CRACDL: variants seen among roughly 807,000 people sequenced by gnomAD.
CRACDL encodes CRACD-like protein.
Under a neutral mutation model 70.6 loss-of-function variants are expected in CRACDL, and 26 were observed. The ratio of observed to expected loss-of-function variants is 0.37; its 90% CI spans 0.27 to 0.51. The LOEUF is 0.51. CRACDL is among the 20% of genes least tolerant of loss of function. The pLI, the probability that CRACDL is intolerant of heterozygous loss-of-function variation, is 0.94. For synonymous variants in CRACDL, 618 were observed against 615.2 expected (o/e 1.00, Z -0.07); for missense variants, 1,283 against 1,376.9 (o/e 0.93, Z 1.08).
intron 5 of CRACDL, 75 bp downstream of exon 5, chr2:98,832,273 C>G (rs1482767145): frequency 6.6e-7 from 1 of 1,522,882 alleles, no homozygotes; most frequent in African/African-American, 1.4e-5. Flanking sequence ...GGGGCACACA[C>G]AGGGGATCTC....
intron 7 of CRACDL, among the ~76,000 whole-genome samples, chr2:98,805,952 C>T (rs539506665): frequency 6.6e-6 from 1 of 152,276 alleles, no homozygotes; most frequent in Non-Finnish European, 1.5e-5. Context: ...GCTGCTTTAA[C>T]AGCCCTGGTA....
At position 98,822,541 on chromosome 2, in the gene CRACDL, A is replaced by T; in HGVS notation, c.1732T>A (p.Ser578Thr). The T allele has an allele frequency of 1.4e-6, 2 of 1,466,862 alleles. No individual in the cohort carries two copies. Among genetic ancestry groups the T allele is most frequent in the Non-Finnish European group, 1.8e-6 (2 of 1,117,160 alleles). 90.9% of individuals were successfully genotyped at this position (1,466,862 alleles called of 1,614,324 possible). A position where few individuals can be genotyped will look rare whatever the true frequency, so the allele number is the denominator to read the frequency against. ...CCCGGACGAGGCCGCGCTCGGCACG[A>T]GGACACCGAGAACTTCTTCGCGCCT... Reference protein sequence around the residue: ...LRGAKKFSVSSCRARPRPGVS... With the variant: ...LRGAKKFSVSTCRARPRPGVS... The change falls in exon 7 of 10, where the codon TCG becomes ACG. Residue 578 changes from serine to threonine, a missense_variant. Transcript: ENST00000397899. This position sits in a 1 kb window ranked among gnomAD's most constrained non-coding sequence, Gnocchi z 4.9.
chr2:98,911,755 A>G (rs1281171560), intron 1 of CRACDL, among the ~76,000 whole-genome samples: 1 of 151,820 alleles, frequency 6.6e-6, no homozygotes, highest in Non-Finnish European at 1.5e-5. Flanking sequence ...AAGCTGGGCC[A>G]CCCCGAGAAC....
At chr2:98,879,028 T>C (rs1301375043) in intron 1 of CRACDL, among the ~76,000 whole-genome samples, 1 of 152,180 alleles carries the variant, frequency 6.6e-6, no homozygotes, top group East Asian at 1.9e-4. Context: ...ACCACCACCC[T>C]GGCCCTGAGA....
chr2:98,809,248 C>A (rs776557986), intron 7 of CRACDL, among the ~76,000 whole-genome samples: 2 of 151,946 alleles, frequency 1.3e-5, no homozygotes, highest in African/African-American at 2.4e-5. Context: ...CTCTTTGGAG[C>A]CTTACAAGGT....
chr2:98,853,743 T>G (rs2104554440), intron 1 of CRACDL, among the ~76,000 whole-genome samples: 1 of 151,996 alleles, frequency 6.6e-6, no homozygotes. Flanking sequence ...AAGGTAGGAG[T>G]TGTATGTATG....
rs770899135 is a variant in CRACDL at position 98,838,198 on chromosome 2, A to T, written c.160T>A (p.Trp54Arg). ...ESPSSTGSST[W>R]KQSQTRNEVI... ...TCATTCCTCGTCTGACTTTGTTTCC[A>T]GGTGCTACTTCCTGTGGACGACGGC... is the stretch of plus-strand genomic sequence containing the variant. Residue 54 changes from tryptophan to arginine, a missense_variant, in exon 3 of 10, where the codon TGG becomes AGG. By Grantham distance (101) the Trp-to-Arg change is moderately radical (BLOSUM62 -3). Coordinates refer to ENST00000397899, the MANE Select transcript of CRACDL (RefSeq NM_207362.3). The T allele has an allele frequency of 6.2e-7, 1 of 1,613,994 alleles. No individual in the cohort carries two copies. The highest frequency in any genetic ancestry group is 1.7e-5 in the Admixed American group (1 of 60,018).
intron 1 of CRACDL, among the ~76,000 whole-genome samples, chr2:98,851,191 G>A (rs1426222778): frequency 2.0e-5 from 3 of 152,138 alleles, no homozygotes; most frequent in African/African-American, 7.2e-5. Context: ...TGTTTGGGAG[G>A]TGTCTGCTGA....
intron 1 of CRACDL, among the ~76,000 whole-genome samples, chr2:98,858,470 G>T (rs1190106088): frequency 7.2e-6 from 1 of 139,234 alleles, no homozygotes; most frequent in African/African-American, 2.7e-5. Flanking sequence ...AGCCCAGATC[G>T]CACCACTGCA....
At chr2:98,906,587 A>G (rs1004822093) in intron 1 of CRACDL, among the ~76,000 whole-genome samples, 2 of 152,084 alleles carry the variant, frequency 1.3e-5, no homozygotes, top group Non-Finnish European at 2.9e-5. Flanking sequence ...TCCTCATTTG[A>G]GATAATATAT....
At chr2:98,851,741 AT>A (rs1706491092) in intron 1 of CRACDL, among the ~76,000 whole-genome samples, 1 of 152,198 alleles carries the variant, frequency 6.6e-6, no homozygotes, top group Non-Finnish European at 1.5e-5. Flanking sequence ...CTCCAGAAAA[AT>A]ATCCTTCAAA....
intron 1 of CRACDL, among the ~76,000 whole-genome samples, chr2:98,900,091 C>T (rs13033128): frequency 0.011 from 295 of 26,300 alleles, 3 homozygotes; most frequent in African/African-American, 0.067. Flanking sequence ...AGAGGCTCAG[C>T]AGGAGGGGAG....
At chr2:98,828,132 C>T (rs961604022) in intron 5 of CRACDL, among the ~76,000 whole-genome samples, 6 of 152,148 alleles carry the variant, frequency 3.9e-5, no homozygotes, top group Non-Finnish European at 8.8e-5. Context: ...AGGCAATACC[C>T]GCAGATCCCT....
chr2:98,837,366 T>C (rs1346666138), intron 3 of CRACDL, among the ~76,000 whole-genome samples: 1 of 152,194 alleles, frequency 6.6e-6, no homozygotes. Context: ...TGCTCAAGCC[T>C]GGGACCCATC....
chr2:98,805,967 G>A (rs972080821), intron 7 of CRACDL, among the ~76,000 whole-genome samples: 7 of 152,272 alleles, frequency 4.6e-5, no homozygotes, highest in African/African-American at 1.4e-4. Flanking sequence ...CTGGTAGCAC[G>A]CTTCTATCAT....
Position 98,893,996 on chromosome 2 carries a change from C to T in CRACDL, c.-11+41942G>A, listed in dbSNP as rs754620276. ...TGTGTTCAAGCTCCCCAGGAGATTC[C>T]GAGGGGCAGCCAGGGTCAAGAAGCA... is the stretch of plus-strand genomic sequence containing the variant. On this transcript the variant is annotated intron_variant, in intron 1 of 9. Coordinates refer to ENST00000397899, the MANE Select transcript of CRACDL (RefSeq NM_207362.3). 8.4e-4 allele frequency among the ~76,000 whole-genome samples: 128 copies of T among 152,296 alleles called. 1 individual carries two copies. In the Middle Eastern group the frequency reaches 0.014, roughly 16 times the overall value.
At chr2:98,795,040 A>AATATATAAAAATTT (rs1329934418) in intron 9 of CRACDL, among the ~76,000 whole-genome samples, 374 of 27,504 alleles carry the variant, frequency 0.014, 77 homozygotes, top group South Asian at 0.031. Context: ...CATAATTAAA[A>AATATATAAAAATTT]ATATATATAT....
At chr2:98,839,065 C>T (rs575783052) in intron 2 of CRACDL, among the ~76,000 whole-genome samples, 1 of 152,198 alleles carries the variant, frequency 6.6e-6, no homozygotes, top group South Asian at 2.1e-4. Context: ...GATGCAGCAT[C>T]GTAGACTACC....
At chr2:98,927,308 G>T (rs1318723954) in intron 1 of CRACDL, among the ~76,000 whole-genome samples, 1 of 152,210 alleles carries the variant, frequency 6.6e-6, no homozygotes, top group Non-Finnish European at 1.5e-5. Flanking sequence ...AGTTACCGGC[G>T]GGCCAGCTCT....
Sources: allele counts gnomAD v4.1 joint callset (sites outside exome capture counted in the v4.1 genomes callset), GRCh38; gene constraint gnomAD v4.1.1; non-coding constraint Gnocchi (gnomAD v3.1); transcripts MANE v1.5; gene names NCBI Gene and HGNC (gene_info 2026-07-23, HGNC 2026-07-21).